RAPGEF2: variants seen among roughly 807,000 people sequenced by gnomAD.
RAPGEF2 encodes the protein Rap guanine nucleotide exchange factor 2.
In RAPGEF2, 54 loss-of-function variants were observed where a neutral mutation model predicts 186.7. The ratio of observed to expected loss-of-function variants is 0.29; its 90% CI spans 0.23 to 0.36. The LOEUF is 0.36. Ranked by LOEUF, RAPGEF2 falls within the 10% of genes least tolerant of loss-of-function variation. RAPGEF2 has a pLI of 1.00. For missense variants in RAPGEF2, 1,532 were observed against 2,045.0 expected (o/e 0.75, Z 4.84); for synonymous variants, 712 against 705.9 (o/e 1.01, Z -0.14).
At chr4:159,345,084 T>G (rs1181133146) in intron 23 of RAPGEF2, 22 bp from the exon 24 acceptor site, 1 of 1,585,934 alleles carries the variant, frequency 6.3e-7, no homozygotes, top group East Asian at 2.2e-5. Flanking sequence ...GTGAGCTGCA[T>G]ATGTACCTTT....
chr4:159,345,284 A>T lies in RAPGEF2; in HGVS notation c.3457A>T (p.Ser1153Cys). ...SNLELEMDEE[S>C]LQTLSLQCEP... is the part of the protein sequence containing the mutation. ...TTTGGAGCTAGAAATGGACGAGGAG[A>T]GTCTTCAGACATTATCTCTGCAGTG... Residue 1153 changes from serine (S) to cysteine (C), a missense_variant, in exon 24 of 30, where the codon AGT (serine) becomes TGT (cysteine). Around this residue, in one of 4 missense-constraint regions of RAPGEF2, gnomAD observed 117 missense variants for 180.8 expected, o/e 0.65. Coordinates refer to ENST00000691494, the MANE Select transcript of RAPGEF2 (RefSeq NM_001394067.2). 1 of 1,614,162 alleles carries T rather than the reference A, an allele frequency of 6.2e-7. No homozygotes were observed.
intron 7 of RAPGEF2, among the ~76,000 whole-genome samples, chr4:159,248,414 A>AGAGT (rs2111500274): frequency 6.6e-6 from 1 of 152,294 alleles, no homozygotes; most frequent in Admixed American, 6.5e-5. Context: ...GAGTCTTAGG[A>AGAGT]GAGTGGTGTC....
intron 1 of RAPGEF2, among the ~76,000 whole-genome samples, chr4:159,185,110 C>T (rs1348205457): frequency 6.6e-6 from 1 of 152,058 alleles, no homozygotes. Context: ...TGGGGAAATG[C>T]AAGTCAATAC....
chr4:159,250,612 A>C (rs965114765), intron 7 of RAPGEF2, among the ~76,000 whole-genome samples: 1 of 152,158 alleles, frequency 6.6e-6, no homozygotes, highest in African/African-American at 2.4e-5. Flanking sequence ...ATTAGAAAAT[A>C]AAACCTCAAA....
At chr4:159,175,981 G>C (rs543427371) in intron 1 of RAPGEF2, among the ~76,000 whole-genome samples, 1 of 152,252 alleles carries the variant, frequency 6.6e-6, no homozygotes, top group East Asian at 1.9e-4. Context: ...TTCTCTGATC[G>C]AGGACATAAA....
chr4:159,135,882 A>G (rs1741668220), intron 1 of RAPGEF2, among the ~76,000 whole-genome samples: 1 of 152,234 alleles, frequency 6.6e-6, no homozygotes, highest in South Asian at 2.1e-4. Context: ...TACAGGCGTG[A>G]GCCACTGTGC....
At chr4:159,181,517 A>T (rs897930409) in intron 1 of RAPGEF2, among the ~76,000 whole-genome samples, 3 of 151,796 alleles carry the variant, frequency 2.0e-5, no homozygotes, top group Non-Finnish European at 2.9e-5. Context: ...ACAATGTAAG[A>T]CTTTAATATT....
chr4:159,325,148 C>A (rs1450065323), intron 11 of RAPGEF2, among the ~76,000 whole-genome samples: 1 of 151,804 alleles, frequency 6.6e-6, no homozygotes, highest in Non-Finnish European at 1.5e-5. Context: ...CTAAATAATT[C>A]CACCAGCTAA....
intron 4 of RAPGEF2, among the ~76,000 whole-genome samples, chr4:159,223,615 A>T (rs1394088045): frequency 6.6e-6 from 1 of 152,232 alleles, no homozygotes; most frequent in African/African-American, 2.4e-5. Flanking sequence ...AAAAACCTCA[A>T]GTTAAGAAAT....
In RAPGEF2 at chr4:159,353,340, T is replaced by C. The variant is rs1048536982; in HGVS notation, c.4092-147T>C. 3 of 576,490 alleles carry C rather than the reference T, an allele frequency of 5.2e-6. No individual in the cohort carries two copies. The African/African-American group carries it at 5.8e-5, about 11-fold the overall frequency. 35.7% of individuals were successfully genotyped at this position (576,490 alleles called of 1,614,324 possible). On this transcript the variant is annotated intron_variant, in intron 27 of 29. Transcript: ENST00000691494. This position sits in a 1 kb window ranked among gnomAD's most constrained non-coding sequence, Gnocchi z 4.3. ...GGCTAGACATGGCAGAACTGGCCAA[T>C]ATAAGGCAATTCAGTGCTACTTTTA...
chr4:159,177,793 C>T (rs1579382337), intron 1 of RAPGEF2, among the ~76,000 whole-genome samples: 1 of 152,144 alleles, frequency 6.6e-6, no homozygotes, highest in South Asian at 2.1e-4. Context: ...TAGCTTTTAA[C>T]CCCGTTATTA....
intron 7 of RAPGEF2, among the ~76,000 whole-genome samples, chr4:159,273,515 A>T (rs535174856): frequency 6.6e-6 from 1 of 152,288 alleles, no homozygotes; most frequent in East Asian, 1.9e-4. Context: ...ATCAATTTAG[A>T]TTACTGAAAA....
chr4:159,355,903 A>G lies in RAPGEF2; in HGVS notation c.4702A>G (p.Ile1568Val), dbSNP rs766268814. Residue 1568 changes from isoleucine to valine, a missense_variant, in exon 29 of 30, where the codon ATT becomes GTT. Transcript: ENST00000691494. ...GCCCCCGCCCACCCCTCCCGGCTAC[A>G]TTGGAATTCCCATTACTGACTTTCC... ...REPPPTPPGY[I>V]GIPITDFPEG... is the part of the protein sequence containing the mutation. 1.5e-5 allele frequency: 17 copies of G among 1,161,634 alleles called. No individual in the cohort carries two copies. In the Admixed American group the frequency reaches 2.7e-4, roughly 18 times the overall value. The allele number at this position is 1,161,634 out of a possible 1,614,324, so 72.0% of individuals were successfully genotyped here. A position where few individuals can be genotyped will look rare whatever the true frequency, so the allele number is the denominator to read the frequency against.
intron 4 of RAPGEF2, 45 bp from the exon 5 acceptor site, chr4:159,238,764 A>G (rs1753600421): frequency 1.4e-6 from 2 of 1,417,458 alleles, no homozygotes; most frequent in African/African-American, 1.5e-5. Flanking sequence ...TACTACTTAA[A>G]TCTCTGAGGT....
chr4:159,302,016 GTATT>G (rs1282270909), intron 7 of RAPGEF2, among the ~76,000 whole-genome samples: 1 of 152,160 alleles, frequency 6.6e-6, no homozygotes, highest in Non-Finnish European at 1.5e-5. Flanking sequence ...TACTCAATAA[GTATT>G]TATTAAATAT....
intron 8 of RAPGEF2, among the ~76,000 whole-genome samples, chr4:159,309,525 C>T (rs2111082135): frequency 6.6e-6 from 1 of 152,234 alleles, no homozygotes; most frequent in South Asian, 2.1e-4. Context: ...GAAAGGAAGA[C>T]AGGTGTGAAC....
Position 159,331,478 on chromosome 4 carries a change from T to C in RAPGEF2, c.1515T>C (p.Phe505=), listed in dbSNP as rs760226387. The C allele has an allele frequency of 2.2e-5, 35 of 1,613,526 alleles. No homozygotes were observed. The East Asian group carries it at 7.6e-4, about 35-fold the overall frequency. The change falls in exon 14 of 30, where the codon TTT becomes TTC. Residue 505 remains phenylalanine (F), a synonymous_variant. Transcript: ENST00000691494. The part of the protein sequence containing the change: ...LLWVNNHFND[F]EGDPAMTRFL... ...GGGTAAATAATCACTTCAATGACTT[T>C]GAAGGAGATCCTGCAATGACTCGAT...
intron 7 of RAPGEF2, among the ~76,000 whole-genome samples, chr4:159,301,936 G>A (rs1029680629): frequency 1.3e-5 from 2 of 152,170 alleles, no homozygotes; most frequent in Non-Finnish European, 2.9e-5. Flanking sequence ...AGGTAGTAGA[G>A]GTTTGGAGTT....
At chr4:159,358,068 A>C (rs528112202) in intron 29 of RAPGEF2, 46 bp from the exon 30 acceptor site, 1 of 1,589,646 alleles carries the variant, frequency 6.3e-7, no homozygotes, top group Admixed American at 1.7e-5. Flanking sequence ...ACAAGAAATT[A>C]CTTGCTTGCT....
Sources: gnomAD v4.1 joint callset for allele counts (sites outside exome capture counted in the v4.1 genomes callset) on GRCh38, gnomAD v4.1.1 for gene constraint, gnomAD v4.1.1 regional missense constraint, Gnocchi (gnomAD v3.1) non-coding constraint, MANE v1.5 for transcripts, NCBI Gene and HGNC (gene_info 2026-07-23, HGNC 2026-07-21) for gene names.